BRI3BP: variants seen among roughly 807,000 people sequenced by gnomAD.
The protein encoded by BRI3BP is BRI3-binding protein.
In BRI3BP, 7 loss-of-function variants were observed where a neutral mutation model predicts 15.8. That is an observed-to-expected ratio of 0.44 (90% CI 0.25 to 0.83). The LOEUF (loss-of-function observed/expected upper bound fraction) is 0.83. Ranked by LOEUF, BRI3BP falls within the 40% of genes least tolerant of loss-of-function variation. BRI3BP has a pLI of 0.20. For missense variants in BRI3BP, 320 were observed against 339.3 expected (o/e 0.94, Z 0.45); for synonymous variants, 192 against 163.5 (o/e 1.17, Z -1.33).
intron 1 of BRI3BP, among the ~76,000 whole-genome samples, chr12:125,001,591 T>G (rs1053393612): frequency 2.0e-5 from 3 of 151,928 alleles, no homozygotes; most frequent in African/African-American, 7.3e-5. Context: ...CCCAGGCTGG[T>G]CTCTTGACTC....
In BRI3BP at chr12:125,026,546, A is replaced by C. The variant is rs760261591; in HGVS notation, c.*1116A>C. The C allele has an allele frequency of 6.6e-6, 1 of 152,136 alleles. No individual in the cohort carries two copies. Among genetic ancestry groups the C allele is most frequent in the Non-Finnish European group, 1.5e-5 (1 of 68,034 alleles). The allele number at this position is 152,136 out of a possible 1,614,324, so 9.4% of individuals were successfully genotyped here. On this transcript the variant is annotated 3_prime_UTR_variant, in exon 3 of 3. Coordinates refer to ENST00000341446, the MANE Select transcript of BRI3BP (RefSeq NM_080626.6). ...CCTTTTAGGCAGTCTCTGTGGGCAG[A>C]GAGTGGGACTTGCGAGGTGGACAGC...
rs575358228 is a variant in BRI3BP at position 125,011,796 on chromosome 12, A to G, written c.214-738A>G. 2.0e-5 allele frequency among the ~76,000 whole-genome samples: 3 copies of G among 152,330 alleles called. No individual in the cohort carries two copies. The East Asian group carries it at 5.8e-4, about 29-fold the overall frequency. On this transcript the variant is annotated intron_variant, in intron 1 of 2. Transcript: ENST00000341446. ...TTAGCCCTGTGTCACCTGGAGGGCA[A>G]ATAAAGACCTCAGAGGCTCAGGGTC...
chr12:125,011,038 G>A (rs1463275152), intron 1 of BRI3BP, among the ~76,000 whole-genome samples: 1 of 147,818 alleles, frequency 6.8e-6, no homozygotes, highest in Non-Finnish European at 1.5e-5. Context: ...AGGCTGCAGT[G>A]AGCCGAGATC....
chr12:124,999,757 A>G (rs1241595696), intron 1 of BRI3BP, among the ~76,000 whole-genome samples: 1 of 149,030 alleles, frequency 6.7e-6, no homozygotes, highest in African/African-American at 2.5e-5. Flanking sequence ...GGCTGGGACT[A>G]CAGGCGCCTG....
intron 2 of BRI3BP, among the ~76,000 whole-genome samples, chr12:125,013,025 A>G (rs1220575730): frequency 6.6e-6 from 1 of 152,220 alleles, no homozygotes; most frequent in Non-Finnish European, 1.5e-5. Context: ...TCGAGGCTGC[A>G]GTGAGCTATG....
chr12:125,000,316 T>TG (rs1955078095), intron 1 of BRI3BP, among the ~76,000 whole-genome samples: 1 of 139,340 alleles, frequency 7.2e-6, no homozygotes, highest in Admixed American at 7.6e-5. Flanking sequence ...TGATTTTTTT[T>TG]TTTTTTTTTT....
Position 124,993,993 on chromosome 12 carries a change from C to T in BRI3BP, c.203C>T (p.Ala68Val), listed in dbSNP as rs1295771374. Residue 68 changes from alanine (A) to valine (V), a missense_variant, in exon 1 of 3, where the codon GCC becomes GTC. Transcript: ENST00000341446. Reference sequence around the variant, plus strand: ...CTGTTCGGCGAGGACAACGTGCGCGCCGCTCAGAAGGTGGGCGCCGGGCCC... The same window carrying T: ...CTGTTCGGCGAGGACAACGTGCGCGTCGCTCAGAAGGTGGGCGCCGGGCCC... The part of the protein sequence containing the change: ...SSLFGEDNVR[A>V]AQKFLARLTE... 2 of 1,350,388 alleles carry T rather than the reference C, an allele frequency of 1.5e-6. No individual in the cohort carries two copies. The highest frequency in any genetic ancestry group is 3.1e-5 in the African/African-American group (2 of 65,484). 83.7% of individuals were successfully genotyped at this position (1,350,388 alleles called of 1,614,324 possible). A position where few individuals can be genotyped will look rare whatever the true frequency, so the allele number is the denominator to read the frequency against.
At chr12:124,998,666 C>T (rs950750800) in intron 1 of BRI3BP, among the ~76,000 whole-genome samples, 1 of 152,106 alleles carries the variant, frequency 6.6e-6, no homozygotes, top group Non-Finnish European at 1.5e-5. Context: ...GGGGTGATGA[C>T]AGATTGTGGA....
intron 1 of BRI3BP, among the ~76,000 whole-genome samples, chr12:124,997,505 C>T (rs769102773): frequency 6.6e-6 from 1 of 151,870 alleles, no homozygotes; most frequent in Non-Finnish European, 1.5e-5. Context: ...CGTGAACCAC[C>T]GTGCACCACC....
chr12:125,012,950 A>G (rs554549098), intron 2 of BRI3BP, among the ~76,000 whole-genome samples: 1 of 152,134 alleles, frequency 6.6e-6, no homozygotes, highest in African/African-American at 2.4e-5. Flanking sequence ...GGGTGCAGTG[A>G]TGTGCACCTG....
rs1351559070 is a variant in BRI3BP at position 125,004,002 on chromosome 12, C to CACAA, written c.214-8531_214-8530insCAAA. ...ACACACACACACACACACACACACA[C>CACAA]AACACACAATACCATCATTACAGCT... On this transcript the variant is annotated intron_variant, in intron 1 of 2. Coordinates refer to ENST00000341446, the MANE Select transcript of BRI3BP (RefSeq NM_080626.6). Among the ~76,000 whole-genome samples the CACAA allele has an allele frequency of 8.4e-4, 20 of 23,814 alleles. 1 individual carries two copies. Among genetic ancestry groups the CACAA allele is most frequent in the African/African-American group, 2.5e-3 (19 of 7,716 alleles). The allele number at this position is 23,814 out of a possible 152,430, so 15.6% of individuals were successfully genotyped here.
chr12:125,049,562 G>T, the BRI3BP span, among the ~76,000 whole-genome samples: 1 of 152,130 alleles, frequency 6.6e-6, no homozygotes, highest in African/African-American at 2.4e-5. Flanking sequence ...GGACCGACTC[G>T]CCGGTGCCAG....
intron 1 of BRI3BP, among the ~76,000 whole-genome samples, chr12:125,007,581 A>T (rs1594530559): frequency 6.6e-6 from 1 of 151,818 alleles, no homozygotes; most frequent in South Asian, 2.1e-4. Flanking sequence ...AGAGCTGGGC[A>T]TGTAGCAGCT....
intron 1 of BRI3BP, among the ~76,000 whole-genome samples, chr12:125,002,452 T>G (rs374242369): frequency 0.058 from 8,629 of 149,464 alleles, 380 homozygotes; most frequent in Admixed American, 0.14. Context: ...TGGTTTTTTT[T>G]TTTGTTTTGT....
intron 1 of BRI3BP, among the ~76,000 whole-genome samples, chr12:124,998,124 CA>C (rs35401601): frequency 0.74 from 93,728 of 126,830 alleles, 33,719 homozygotes; most frequent in East Asian, 0.98. Context: ...AACTCCGTCT[CA>C]AAAAAAAAAA....
the BRI3BP span, among the ~76,000 whole-genome samples, chr12:125,044,409 A>G: frequency 6.7e-6 from 1 of 150,326 alleles, no homozygotes; most frequent in East Asian, 2.0e-4. Context: ...TCAGCCTCCC[A>G]AAGTGCTGAG....
intron 2 of BRI3BP, among the ~76,000 whole-genome samples, chr12:125,018,739 GC>G (rs376468457): frequency 1.2e-3 from 178 of 151,598 alleles, no homozygotes; most frequent in African/African-American, 4.2e-3. Flanking sequence ...AAGTGCAGTG[GC>G]GCTATCTCGG....
At chr12:125,039,980 A>G in the BRI3BP span, among the ~76,000 whole-genome samples, 1 of 152,130 alleles carries the variant, frequency 6.6e-6, no homozygotes, top group South Asian at 2.1e-4. Flanking sequence ...ATGTAGGACA[A>G]TGGCTGGGTA....
At chr12:125,021,713 A>G (rs1009304775) in intron 2 of BRI3BP, among the ~76,000 whole-genome samples, 2 of 152,214 alleles carry the variant, frequency 1.3e-5, no homozygotes, top group African/African-American at 2.4e-5. Context: ...GGAGAGAGGA[A>G]GCAAGAGCGA....
Sources: allele counts gnomAD v4.1 joint callset (sites outside exome capture counted in the v4.1 genomes callset), GRCh38; gene constraint gnomAD v4.1.1; transcripts MANE v1.5; gene names NCBI Gene and HGNC (gene_info 2026-07-23, HGNC 2026-07-21).